Variants in CNOT9 observed in about 807,000 individuals in gnomAD.
The protein encoded by CNOT9 is RCD1 required for cell differentiation1 homolog.
A neutral mutation model predicts 37.4 loss-of-function variants in CNOT9; 8 were observed. The ratio of observed to expected loss-of-function variants is 0.21; its 90% CI spans 0.13 to 0.39. The LOEUF is 0.39. Ranked by LOEUF, CNOT9 falls within the 10% of genes least tolerant of loss-of-function variation. The pLI is 1.00. For missense variants in CNOT9, 154 were observed against 365.3 expected, an observed-to-expected ratio of 0.42 and a Z score of 4.71; for synonymous variants, 120 against 137.6, an observed-to-expected ratio of 0.87 and a Z score of 0.90.
chr2:218,569,075 A>G, intron 1 of CNOT9, 97 bp downstream of exon 1: 1 of 1,366,584 alleles, frequency 7.3e-7, no homozygotes, highest in Non-Finnish European at 1.0e-6. Flanking sequence ...CCCTAGTCTG[A>G]TTTTTTTCTG....
intron 1 of CNOT9, among the ~76,000 whole-genome samples, chr2:218,570,698 G>C (rs1459842419): frequency 6.6e-6 from 1 of 152,154 alleles, no homozygotes; most frequent in East Asian, 1.9e-4. Flanking sequence ...CTTCGATACT[G>C]AGCCACTCTT....
intron 1 of CNOT9, among the ~76,000 whole-genome samples, chr2:218,578,152 T>C (rs1180898856): frequency 6.6e-6 from 1 of 152,236 alleles, no homozygotes; most frequent in Non-Finnish European, 1.5e-5. Flanking sequence ...ATATTGTTGC[T>C]TTAAGAGCCT....
intron 1 of CNOT9, among the ~76,000 whole-genome samples, chr2:218,575,197 C>G (rs1396140540): frequency 6.6e-6 from 1 of 152,116 alleles, no homozygotes; most frequent in Non-Finnish European, 1.5e-5. Flanking sequence ...ATTATATACA[C>G]ATGTAGTTCC....
At chr2:218,576,860 G>A (rs1220342782) in intron 1 of CNOT9, among the ~76,000 whole-genome samples, 5 of 152,010 alleles carry the variant, frequency 3.3e-5, no homozygotes, top group Non-Finnish European at 7.4e-5. Context: ...CCAGCTACCG[G>A]GGAGGCTGAG....
At chr2:218,579,805 T>G (rs541487852) in intron 1 of CNOT9, among the ~76,000 whole-genome samples, 1 of 150,798 alleles carries the variant, frequency 6.6e-6, no homozygotes, top group African/African-American at 2.4e-5. Context: ...TGCATTTATT[T>G]ATTTATTTAT....
chr2:218,579,060 G>A (rs1241591113), intron 1 of CNOT9, among the ~76,000 whole-genome samples: 1 of 152,056 alleles, frequency 6.6e-6, no homozygotes, highest in East Asian at 1.9e-4. Context: ...AGTTGAGGGG[G>A]GATGTCAGAA....
intron 1 of CNOT9, among the ~76,000 whole-genome samples, chr2:218,579,510 G>A (rs1559245238): frequency 2.0e-5 from 3 of 152,032 alleles, no homozygotes; most frequent in South Asian, 4.1e-4. Context: ...TTTTTGAGAC[G>A]GAGTCTCACA....
intron 5 of CNOT9, among the ~76,000 whole-genome samples, chr2:218,588,149 T>G (rs1418729868): frequency 1.3e-5 from 2 of 152,206 alleles, no homozygotes; most frequent in Non-Finnish European, 2.9e-5. Flanking sequence ...CATAGTCCTT[T>G]TGTCTTCTAA....
At chr2:218,588,649 C>T (rs1263505065) in intron 5 of CNOT9, among the ~76,000 whole-genome samples, 1 of 131,516 alleles carries the variant, frequency 7.6e-6, no homozygotes, top group African/African-American at 3.0e-5. Context: ...TCGCTGCAAC[C>T]TCCACCTATC....
chr2:218,579,342 C>A (rs547811926), intron 1 of CNOT9, among the ~76,000 whole-genome samples: 1 of 152,144 alleles, frequency 6.6e-6, no homozygotes, highest in Non-Finnish European at 1.5e-5. Flanking sequence ...TTTATATGCT[C>A]TTCTGTAACC....
chr2:218,594,301 T>C lies in CNOT9; in HGVS notation c.*25T>C. Reference sequence around the variant, plus strand: ...ATCCTTCCCTGTTCCCTCCCACTACTCCCCCAAGTTGGGGAAAGGAGGGGG... The same window carrying C: ...ATCCTTCCCTGTTCCCTCCCACTACCCCCCCAAGTTGGGGAAAGGAGGGGG... On this transcript the variant is annotated 3_prime_UTR_variant, in exon 8 of 8. Transcript: ENST00000273064. 3 of 1,579,856 alleles carry C rather than the reference T, an allele frequency of 1.9e-6. No homozygotes were observed. The highest frequency in any genetic ancestry group is 1.4e-5 in the African/African-American group (1 of 73,966).
rs1559251516 is a variant in CNOT9 at position 218,592,319 on chromosome 2, C to G, written c.556C>G (p.Leu186Val). ...TTTGCTTCAGGTTGCCACATTCATCCTCCAGAAGATCTTGTTAGATGACAC... is the reference window on the plus strand; with the variant it reads ...TTTGCTTCAGGTTGCCACATTCATCGTCCAGAAGATCTTGTTAGATGACAC... Reference protein sequence around the residue: ...ELSKTVATFILQKILLDDTGL... With the variant: ...ELSKTVATFIVQKILLDDTGL... Residue 186 changes from leucine (L) to valine (V), a missense_variant, in exon 6 of 8, where the codon CTC (leucine) becomes GTC (valine). Physicochemically the swap from Leu to Val is conservative, Grantham distance 32. Around this residue, in one of 2 missense-constraint regions of CNOT9, gnomAD observed 117 missense variants for 325.4 expected, o/e 0.36. Transcript: ENST00000273064. The surrounding 1 kb of genome is among the most constrained non-coding windows in gnomAD (Gnocchi z 4.1). 1 of 1,613,602 alleles carries G rather than the reference C, an allele frequency of 6.2e-7. No homozygotes were observed. The highest frequency in any genetic ancestry group is 8.5e-7 in the Non-Finnish European group (1 of 1,179,660).
intron 1 of CNOT9, among the ~76,000 whole-genome samples, chr2:218,573,233 G>A (rs370461236): frequency 2.0e-5 from 3 of 151,372 alleles, no homozygotes; most frequent in African/African-American, 4.8e-5. Flanking sequence ...CAGGACAATC[G>A]CTTGAACCTG....
intron 1 of CNOT9, among the ~76,000 whole-genome samples, chr2:218,578,656 C>A (rs976334205): frequency 5.3e-5 from 8 of 152,098 alleles, no homozygotes; most frequent in Non-Finnish European, 7.3e-5. Context: ...CCTTCCCCCC[C>A]GCCTCCCGCT....
At chr2:218,571,333 T>G (rs1315735338) in intron 1 of CNOT9, among the ~76,000 whole-genome samples, 1 of 152,160 alleles carries the variant, frequency 6.6e-6, no homozygotes, top group Non-Finnish European at 1.5e-5. Flanking sequence ...GGGAGGACAC[T>G]TCACCCCAGG....
chr2:218,571,260 C>T (rs1018897534), intron 1 of CNOT9, among the ~76,000 whole-genome samples: 8 of 152,216 alleles, frequency 5.3e-5, no homozygotes, highest in African/African-American at 1.9e-4. Context: ...CAAAGTACTG[C>T]CAAATGAGAA....
rs1559247211 is a variant in CNOT9, at chr2:218,583,188, A to C, written c.320+102A>C. ...AAGGGCATGGAGGAGAGAGAGAGAG[A>C]ACGTTTGTGTGTGTGTGTGTGTGTG... On this transcript the variant is annotated intron_variant, in intron 3 of 7. Coordinates refer to ENST00000273064, the MANE Select transcript of CNOT9 (RefSeq NM_005444.3). The C allele has an allele frequency of 1.5e-5, 8 of 519,520 alleles. 1 individual carries two copies. Among genetic ancestry groups the C allele is most frequent in the Middle Eastern group, 2.8e-4 (1 of 3,542 alleles). The allele number at this position is 519,520 out of a possible 1,614,324, so 32.2% of individuals were successfully genotyped here.
Position 218,596,423 on chromosome 2 carries a change from GTAAAA to G in CNOT9, c.*2148_*2152del. The G allele has an allele frequency of 6.6e-6, 1 of 152,156 alleles. No individual in the cohort carries two copies. The highest frequency in any genetic ancestry group is 2.1e-4 in the South Asian group (1 of 4,816). 9.4% of individuals were successfully genotyped at this position (152,156 alleles called of 1,614,324 possible). A position where few individuals can be genotyped will look rare whatever the true frequency, so the allele number is the denominator to read the frequency against. ...TGAAATAAAACATGCTTCTGTTTTTGTAAAAATAATTTTTCCTTTACACTGGAGAT... is the reference window on the plus strand; with the variant it reads ...TGAAATAAAACATGCTTCTGTTTTTGATAATTTTTCCTTTACACTGGAGAT... On this transcript the variant is annotated 3_prime_UTR_variant, in exon 8 of 8. Transcript: ENST00000273064.
At chr2:218,581,627 T>C (rs1694381391) in intron 2 of CNOT9, among the ~76,000 whole-genome samples, 1 of 152,236 alleles carries the variant, frequency 6.6e-6, no homozygotes, top group African/African-American at 2.4e-5. Flanking sequence ...ACCTAGGTAG[T>C]GGCATGATCA....
Sources: allele counts gnomAD v4.1 joint callset (sites outside exome capture counted in the v4.1 genomes callset), GRCh38; gene constraint gnomAD v4.1.1; regional missense constraint gnomAD v4.1.1; non-coding constraint Gnocchi (gnomAD v3.1); transcripts MANE v1.5; gene names NCBI Gene and HGNC (gene_info 2026-07-23, HGNC 2026-07-21).